Variants in NPL observed in about 807,000 individuals in gnomAD.
NPL encodes the protein N-acetylneuraminate pyruvate lyase.
A neutral mutation model predicts 41.1 loss-of-function variants in NPL; 32 were observed. The ratio of observed to expected loss-of-function variants is 0.78; its 90% CI spans 0.59 to 1.05. NPL has a LOEUF of 1.05. Among genes scored for constraint, NPL ranks in the 50% least tolerant of loss-of-function variants. NPL has a pLI of 0.00. For missense variants in NPL, 321 were observed against 378.4 expected, an observed-to-expected ratio of 0.85 and a Z score of 1.26; for synonymous variants, 128 against 134.9, an observed-to-expected ratio of 0.95 and a Z score of 0.35.
At chr1:182,806,409 T>C in intron 5 of NPL, 177 bp downstream of exon 5, 1 of 1,540,374 alleles carries the variant, frequency 6.5e-7, no homozygotes. Flanking sequence ...CCCCCTCCCT[T>C]TCTGTGCAGA....
intron 3 of NPL, among the ~76,000 whole-genome samples, chr1:182,800,247 G>A (rs1449707354): frequency 1.3e-5 from 2 of 151,760 alleles, no homozygotes; most frequent in Non-Finnish European, 2.9e-5. Flanking sequence ...ACCAGCCTGG[G>A]CAACCTGGTA....
At chr1:182,822,568 G>A (rs1444426294) in intron 11 of NPL, among the ~76,000 whole-genome samples, 2 of 152,198 alleles carry the variant, frequency 1.3e-5, no homozygotes. Flanking sequence ...AGAATATGAG[G>A]AAGCTATGAA....
intron 7 of NPL, among the ~76,000 whole-genome samples, chr1:182,815,081 T>C (rs889748299): frequency 3.3e-5 from 5 of 152,166 alleles, no homozygotes; most frequent in Non-Finnish European, 7.4e-5. Context: ...TCTGATTGGG[T>C]CATCCACTGA....
intron 2 of NPL, among the ~76,000 whole-genome samples, chr1:182,792,806 C>T (rs1282633460): frequency 1.3e-5 from 2 of 152,170 alleles, no homozygotes; most frequent in Non-Finnish European, 2.9e-5. Context: ...CAGTGTTTCT[C>T]AAGGGCTTAC....
intron 5 of NPL, among the ~76,000 whole-genome samples, chr1:182,807,578 A>G (rs1667050848): frequency 6.6e-6 from 1 of 152,074 alleles, no homozygotes; most frequent in South Asian, 2.1e-4. Context: ...CTAAGGGCAC[A>G]CATTAAGAAC....
chr1:182,814,966 G>A (rs1277154511), intron 7 of NPL, 108 bp downstream of exon 7: 42 of 892,016 alleles, frequency 4.7e-5, no homozygotes, highest in Non-Finnish European at 6.6e-5. Context: ...ATAGATTGGA[G>A]GCTTGAAGTC....
At chr1:182,818,739 T>C in intron 9 of NPL, 50 bp downstream of exon 9, 1 of 1,614,000 alleles carries the variant, frequency 6.2e-7, no homozygotes, top group Non-Finnish European at 8.5e-7. Context: ...TCCAAAACAA[T>C]TTGTGTAGCT....
intron 4 of NPL, among the ~76,000 whole-genome samples, chr1:182,805,092 A>G (rs1258545831): frequency 6.6e-6 from 1 of 152,160 alleles, no homozygotes; most frequent in Non-Finnish European, 1.5e-5. Flanking sequence ...GACCTCAGTA[A>G]TGTATCCTAC....
chr1:182,798,411 A>G (rs966424309), intron 3 of NPL, among the ~76,000 whole-genome samples: 3 of 152,012 alleles, frequency 2.0e-5, no homozygotes, highest in African/African-American at 7.2e-5. Context: ...TGTTTGTAGT[A>G]GAGACGGGGT....
chr1:182,818,115 A>G (rs1233419565), intron 8 of NPL, among the ~76,000 whole-genome samples: 1 of 152,170 alleles, frequency 6.6e-6, no homozygotes, highest in Non-Finnish European at 1.5e-5. Context: ...TATACATATC[A>G]CTTTGAAGAT....
intron 11 of NPL, among the ~76,000 whole-genome samples, chr1:182,822,990 T>G (rs563791198): frequency 3.9e-5 from 6 of 152,216 alleles, no homozygotes; most frequent in Admixed American, 6.5e-5. Context: ...CGCCTCAGCC[T>G]CCTGAGTAGC....
At chr1:182,814,927 TTATATTTAATTTGTGAAA>T in intron 7 of NPL, 69 bp downstream of exon 7, 2 of 1,258,056 alleles carry the variant, frequency 1.6e-6, no homozygotes, top group East Asian at 4.6e-5. Context: ...TTCAAAATGG[TTATATTTAATTTGTGAAA>T]GTAAAGCACT....
chr1:182,790,673 C>T (rs1666483977), intron 1 of NPL, among the ~76,000 whole-genome samples: 1 of 151,846 alleles, frequency 6.6e-6, no homozygotes, highest in South Asian at 2.1e-4. Context: ...GACGGAGTCT[C>T]GCTCTTGTCG....
In NPL at chr1:182,815,042, G is replaced by A. The variant is rs41268524; in HGVS notation, c.364+184G>A. 8.6e-3 allele frequency among the ~76,000 whole-genome samples: 1,314 copies of A among 152,306 alleles called. 10 individuals carry two copies. Among genetic ancestry groups the A allele is most frequent in the Middle Eastern group, 0.02 (6 of 294 alleles). On this transcript the variant is annotated intron_variant, in intron 7 of 12. Transcript: ENST00000367553. ...GATCCATAAAAGAGACTGCATTAAAGTACTTCAGTTCTTTTGCCCAGTAAT... is the reference window on the plus strand; with the variant it reads ...GATCCATAAAAGAGACTGCATTAAAATACTTCAGTTCTTTTGCCCAGTAAT...
chr1:182,800,663 C>T (rs988770871), intron 3 of NPL, among the ~76,000 whole-genome samples: 1 of 151,324 alleles, frequency 6.6e-6, no homozygotes, highest in Non-Finnish European at 1.5e-5. Context: ...GCATCCAGTC[C>T]TCTAAAGTAG....
chr1:182,804,392 T>C (rs1221230954), intron 4 of NPL, among the ~76,000 whole-genome samples: 3 of 152,176 alleles, frequency 2.0e-5, no homozygotes, highest in Non-Finnish European at 4.4e-5. Flanking sequence ...CCTCCCAAAA[T>C]TCTGGGATTA....
intron 5 of NPL, 102 bp from the exon 6 acceptor site, chr1:182,812,054 A>G (rs1667189881): frequency 1.9e-6 from 2 of 1,044,734 alleles, no homozygotes; most frequent in Non-Finnish European, 3.0e-6. Flanking sequence ...TGAGATTAAT[A>G]AGGCATCAGT....
chr1:182,804,205 T>C (rs541112913), intron 4 of NPL, among the ~76,000 whole-genome samples: 1 of 152,326 alleles, frequency 6.6e-6, no homozygotes, highest in East Asian at 1.9e-4. Context: ...ATCAGCTCAC[T>C]GCAACCTCTA....
chr1:182,827,338 G>C (rs2102572470), intron 12 of NPL, among the ~76,000 whole-genome samples: 1 of 152,284 alleles, frequency 6.6e-6, no homozygotes, highest in South Asian at 2.1e-4. Flanking sequence ...CAGTGTACCT[G>C]ATCTTCCATT....
Sources: allele counts gnomAD v4.1 joint callset (sites outside exome capture counted in the v4.1 genomes callset), GRCh38; gene constraint gnomAD v4.1.1; transcripts MANE v1.5; gene names NCBI Gene and HGNC (gene_info 2026-07-23, HGNC 2026-07-21).